ARMC3: variants seen among roughly 807,000 people sequenced by gnomAD.
ARMC3 encodes armadillo repeat-containing protein 3.
ARMC3 carries 74 observed loss-of-function variants against 90.3 expected under a neutral mutation model. That is an observed-to-expected ratio of 0.82 (90% CI 0.68 to 0.99). The LOEUF (loss-of-function observed/expected upper bound fraction) is 0.99, where lower values mean the gene tolerates loss of function less well. Among genes scored for constraint, ARMC3 ranks in the 50% least tolerant of loss-of-function variants. The pLI is 0.00. For synonymous variants in ARMC3, 334 were observed against 361.8 expected (o/e 0.92, Z 0.87); for missense variants, 958 against 1,042.8 (o/e 0.92, Z 1.12).
At chr10:22,937,704 G>C (rs1834166161) in intron 2 of ARMC3, among the ~76,000 whole-genome samples, 1 of 152,130 alleles carries the variant, frequency 6.6e-6, no homozygotes, top group Non-Finnish European at 1.5e-5. Flanking sequence ...CTCAGATTTA[G>C]AGCCCTCTCT....
chr10:22,998,670 T>C (rs1283000478), intron 11 of ARMC3, among the ~76,000 whole-genome samples: 3 of 152,162 alleles, frequency 2.0e-5, no homozygotes, highest in Non-Finnish European at 4.4e-5. Context: ...TTATAATATC[T>C]AAACAAATAA....
In ARMC3 at chr10:23,014,454, A is replaced by G. The variant is rs547166393; in HGVS notation, c.2045+5523A>G. The G allele has an allele frequency of 6.6e-6, 7 of 1,059,460 alleles. No homozygotes were observed. The South Asian group carries it at 2.0e-4, about 31-fold the overall frequency. The allele number at this position is 1,059,460 out of a possible 1,614,324, so 65.6% of individuals were successfully genotyped here. A position where few individuals can be genotyped will look rare whatever the true frequency, so the allele number is the denominator to read the frequency against. On this transcript the variant is annotated intron_variant, in intron 16 of 18. Coordinates refer to ENST00000298032, the MANE Select transcript of ARMC3 (RefSeq NM_173081.5). The stretch of plus-strand genomic sequence containing the variant: ...CTATTAAAACTTTGGACTCCTGGAA[A>G]TAGAATAAAATATTTTAACTGCATT...
intron 3 of ARMC3, among the ~76,000 whole-genome samples, chr10:22,949,571 G>A (rs1263608863): frequency 2.0e-5 from 3 of 152,192 alleles, no homozygotes; most frequent in East Asian, 1.9e-4. Context: ...ATGAAGGACA[G>A]TGAAAAGAGA....
chr10:22,943,978 AT>A (rs1359901162), intron 2 of ARMC3, among the ~76,000 whole-genome samples: 2 of 152,010 alleles, frequency 1.3e-5, no homozygotes, highest in Non-Finnish European at 2.9e-5. Context: ...CATCTGCAGC[AT>A]TTAGTAAGCT....
intron 3 of ARMC3, among the ~76,000 whole-genome samples, chr10:22,947,695 G>A (rs1363167673): frequency 2.0e-5 from 3 of 152,148 alleles, no homozygotes; most frequent in African/African-American, 4.8e-5. Flanking sequence ...TTCATTAACT[G>A]TAAAAAATGT....
chr10:23,022,448 T>C (rs962316466), intron 16 of ARMC3, among the ~76,000 whole-genome samples: 7 of 152,128 alleles, frequency 4.6e-5, no homozygotes. Flanking sequence ...AAAGGAGAAC[T>C]CCAAAGGAGG....
intron 16 of ARMC3, among the ~76,000 whole-genome samples, chr10:23,013,556 G>A (rs969146324): frequency 2.0e-5 from 3 of 152,210 alleles, no homozygotes; most frequent in Admixed American, 6.5e-5. Context: ...TGTTTACCAC[G>A]ATTAAGTTAA....
Position 22,954,118 on chromosome 10 carries a change from T to A in ARMC3, c.167-1689T>A, listed in dbSNP as rs568773432. ...TAATTTGCATTTCCCTAATGACTAATGATGGAGAGAAAAATGTACTTTATT... is the reference window on the plus strand; with the variant it reads ...TAATTTGCATTTCCCTAATGACTAAAGATGGAGAGAAAAATGTACTTTATT... On this transcript the variant is annotated intron_variant, in intron 3 of 18. Coordinates refer to ENST00000298032, the MANE Select transcript of ARMC3 (RefSeq NM_173081.5). 7.2e-5 allele frequency among the ~76,000 whole-genome samples: 11 copies of A among 152,348 alleles called. No homozygotes were observed. The South Asian group carries it at 1.7e-3, about 23-fold the overall frequency.
chr10:22,971,372 C>T (rs1052444296), intron 8 of ARMC3, among the ~76,000 whole-genome samples: 1 of 151,646 alleles, frequency 6.6e-6, no homozygotes. Context: ...CTTTGAGTCC[C>T]TGATTTCAAT....
At chr10:23,031,895 CTTTTTTT>C (rs1838936992) in intron 17 of ARMC3, among the ~76,000 whole-genome samples, 1 of 151,944 alleles carries the variant, frequency 6.6e-6, no homozygotes, top group Non-Finnish European at 1.5e-5. Context: ...TCTCTTTTTT[CTTTTTTT>C]AAATCATTGT....
At chr10:23,025,177 C>T (rs1252711012) in intron 16 of ARMC3, among the ~76,000 whole-genome samples, 1 of 152,066 alleles carries the variant, frequency 6.6e-6, no homozygotes, top group Non-Finnish European at 1.5e-5. Context: ...CTGCCCCCAA[C>T]CCCCAGCAAC....
intron 2 of ARMC3, among the ~76,000 whole-genome samples, chr10:22,945,925 A>C (rs990297238): frequency 1.3e-5 from 2 of 152,196 alleles, no homozygotes; most frequent in African/African-American, 4.8e-5. Context: ...ATTCCAAAAC[A>C]TTTGGCTCTT....
chr10:22,956,891 T>C (rs1341754125), intron 4 of ARMC3, among the ~76,000 whole-genome samples: 1 of 151,448 alleles, frequency 6.6e-6, no homozygotes, highest in Non-Finnish European at 1.5e-5. Context: ...TTATGTCCAT[T>C]AGAATATCAG....
intron 2 of ARMC3, among the ~76,000 whole-genome samples, chr10:22,936,880 C>G (rs1362643249): frequency 6.6e-6 from 1 of 152,128 alleles, no homozygotes; most frequent in African/African-American, 2.4e-5. Flanking sequence ...TCAAGCTTCC[C>G]TTTAAGCTTC....
At chr10:22,953,994 G>A (rs1268664277) in intron 3 of ARMC3, among the ~76,000 whole-genome samples, 1 of 152,134 alleles carries the variant, frequency 6.6e-6, no homozygotes, top group Non-Finnish European at 1.5e-5. Flanking sequence ...CAATTTATGA[G>A]GGTTCCAGTT....
chr10:22,982,293 G>A (rs987304530), intron 10 of ARMC3, among the ~76,000 whole-genome samples: 8 of 152,312 alleles, frequency 5.3e-5, no homozygotes, highest in African/African-American at 1.4e-4. Flanking sequence ...CAGCTGAATC[G>A]CTTGAACCCC....
chr10:23,005,211 C>CAAAAA (rs35706584), intron 13 of ARMC3, among the ~76,000 whole-genome samples: 18 of 60,866 alleles, frequency 3.0e-4, no homozygotes, highest in Middle Eastern at 0.01. Flanking sequence ...AGACTCGTCT[C>CAAAAA]AAAAAAAAAA....
intron 16 of ARMC3, among the ~76,000 whole-genome samples, chr10:23,022,470 T>C (rs930625304): frequency 6.6e-6 from 1 of 151,988 alleles, no homozygotes; most frequent in African/African-American, 2.4e-5. Flanking sequence ...AAGAAGAAGG[T>C]GAACTGGCTG....
chr10:23,013,094 T>C (rs1838096508), intron 16 of ARMC3, among the ~76,000 whole-genome samples: 1 of 152,172 alleles, frequency 6.6e-6, no homozygotes, highest in Non-Finnish European at 1.5e-5. Flanking sequence ...AGACGGGGTT[T>C]TGCCATGCTG....
Sources: allele counts gnomAD v4.1 joint callset (sites outside exome capture counted in the v4.1 genomes callset), GRCh38; gene constraint gnomAD v4.1.1; transcripts MANE v1.5; gene names NCBI Gene and HGNC (gene_info 2026-07-23, HGNC 2026-07-21).